PCDH15: variants seen among roughly 807,000 people sequenced by gnomAD.
PCDH15 encodes protocadherin related 15, also known as protocadherin-15.
A neutral mutation model predicts 178.5 loss-of-function variants in PCDH15; 129 were observed. The observed-to-expected ratio is 0.72, with a 90% CI of 0.63 to 0.84. PCDH15 has a LOEUF of 0.84. Ranked by LOEUF, PCDH15 falls within the 40% of genes least tolerant of loss-of-function variation. PCDH15 has a pLI of 0.00. For synonymous variants in PCDH15, 800 were observed against 732.0 expected, an observed-to-expected ratio of 1.09 and a Z score of -1.50; for missense variants, 2,230 against 2,099.9, an observed-to-expected ratio of 1.06 and a Z score of -1.21.
chr10:54,152,365 T>C (rs541914262), intron 14 of PCDH15, among the ~76,000 whole-genome samples: 1 of 152,160 alleles, frequency 6.6e-6, no homozygotes, highest in Non-Finnish European at 1.5e-5. Context: ...AGACTTCTTC[T>C]ACAGTTTTAT....
At chr10:55,347,972 T>A (rs1844807584) in intron 2 of PCDH15, among the ~76,000 whole-genome samples, 2 of 152,034 alleles carry the variant, frequency 1.3e-5, no homozygotes, top group Non-Finnish European at 2.9e-5. Flanking sequence ...TAAGCCTAAG[T>A]CAAAACAAGG....
chr10:54,071,124 C>A (rs2094234121), intron 17 of PCDH15, among the ~76,000 whole-genome samples: 1 of 152,132 alleles, frequency 6.6e-6, no homozygotes, highest in African/African-American at 2.4e-5. Flanking sequence ...TTATCTCATA[C>A]ATGCAATTTA....
chr10:55,449,036 A>G (rs77516387), intron 2 of PCDH15, among the ~76,000 whole-genome samples: 2,557 of 152,182 alleles, frequency 0.017, 73 homozygotes, highest in African/African-American at 0.059. Flanking sequence ...TATGCTTAAT[A>G]TAATATTTGT....
intron 19 of PCDH15, among the ~76,000 whole-genome samples, chr10:54,022,566 C>T (rs1037078544): frequency 6.6e-6 from 1 of 151,978 alleles, no homozygotes. Context: ...AGATTATTAA[C>T]TTTTGCTTCA....
At chr10:54,441,654 G>A (rs1044534858) in intron 3 of PCDH15, among the ~76,000 whole-genome samples, 1 of 151,902 alleles carries the variant, frequency 6.6e-6, no homozygotes, top group Non-Finnish European at 1.5e-5. Context: ...GTCAATAAAT[G>A]TTTGCTAAAT....
intron 1 of PCDH15, among the ~76,000 whole-genome samples, chr10:55,264,499 G>A (rs1414452764): frequency 6.6e-6 from 1 of 152,144 alleles, no homozygotes; most frequent in South Asian, 2.1e-4. Flanking sequence ...GCCAGCACCT[G>A]CCAAGGTTGC....
intron 2 of PCDH15, among the ~76,000 whole-genome samples, chr10:55,078,305 T>C (rs1202002123): frequency 6.6e-6 from 1 of 152,146 alleles, no homozygotes. Context: ...GAAGATATTT[T>C]GGCATTGCAT....
chr10:54,358,320 A>C (rs1371178836), intron 5 of PCDH15, among the ~76,000 whole-genome samples: 1 of 151,908 alleles, frequency 6.6e-6, no homozygotes, highest in Non-Finnish European at 1.5e-5. Flanking sequence ...AATTTACAAG[A>C]AAAAAACAAC....
chr10:53,995,501 A>G (rs1268590203), intron 21 of PCDH15, 148 bp downstream of exon 21: 1 of 1,422,960 alleles, frequency 7.0e-7, no homozygotes, highest in African/African-American at 1.4e-5. Context: ...GTACCTGTGG[A>G]TGAAATAAGT....
chr10:54,025,385 C>T (rs1322454309), intron 18 of PCDH15, among the ~76,000 whole-genome samples: 1 of 152,062 alleles, frequency 6.6e-6, no homozygotes, highest in Non-Finnish European at 1.5e-5. Flanking sequence ...TGACAGAATT[C>T]AGTTGCTAGA....
At chr10:54,800,823 A>G (rs940000687) in intron 1 of PCDH15, 102 bp downstream of exon 1, 5 of 152,168 alleles carry the variant, frequency 3.3e-5, no homozygotes, top group African/African-American at 1.2e-4. Flanking sequence ...AAGTAGCATC[A>G]TGACAGAGAT....
chr10:53,823,948 ATTGTGACAGAGGAGTTTTTCTTCTG>A (rs913541322), intron 32 of PCDH15, among the ~76,000 whole-genome samples: 1 of 152,204 alleles, frequency 6.6e-6, no homozygotes, highest in African/African-American at 2.4e-5. Context: ...GTATGCTAGA[ATTGTGACAGAGGAGTTTTTCTTCTG>A]TTTAAATTTT....
intron 2 of PCDH15, among the ~76,000 whole-genome samples, chr10:55,461,804 CACTT>C (rs949745916): frequency 4.6e-4 from 70 of 152,116 alleles, no homozygotes; most frequent in African/African-American, 1.6e-3. Context: ...TTTTATTTCT[CACTT>C]ACACAAATAA....
chr10:55,001,706 G>A (rs7895314), intron 2 of PCDH15, among the ~76,000 whole-genome samples: 110,773 of 151,398 alleles, frequency 0.73, 40,645 homozygotes, highest in East Asian at 0.87. Context: ...GGAAGGTGTG[G>A]GATCCAGGCT....
rs1457924617 is a variant in PCDH15 at position 55,511,135 on chromosome 10, A to AGTG, written c.-156+116487_-156+116489dup. ...CAGTCCTCCCAACTCAGCCTTCCAA[A>AGTG]GTGGTGGGATTACAGGCATGAGTCA... On this transcript the variant is annotated intron_variant, in intron 2 of 5. Coordinates refer to the PCDH15 transcript ENST00000613346. Among the ~76,000 whole-genome samples the AGTG allele has an allele frequency of 2.0e-5, 3 of 151,654 alleles. No individual in the cohort carries two copies. The Admixed American group carries it at 2.0e-4, about 10-fold the overall frequency.
In PCDH15 at chr10:54,358,128, C is replaced by T. The variant is rs1003547709; in HGVS notation, c.474+10992G>A. On this transcript the variant is annotated intron_variant, in intron 5 of 37. Transcript: ENST00000644397. Reference sequence around the variant, plus strand: ...GGGCAAGGACTTCATGTCTAAAACACCAAAAGCAATGGCAACAAAAGCTAA... The same window carrying T: ...GGGCAAGGACTTCATGTCTAAAACATCAAAAGCAATGGCAACAAAAGCTAA... Among the ~76,000 whole-genome samples the T allele has an allele frequency of 4.1e-5, 6 of 148,130 alleles. No homozygotes were observed. The East Asian group carries it at 1.2e-3, about 29-fold the overall frequency.
intron 8 of PCDH15, among the ~76,000 whole-genome samples, chr10:54,280,053 A>G (rs1322379707): frequency 6.6e-6 from 1 of 151,676 alleles, no homozygotes; most frequent in Non-Finnish European, 1.5e-5. Flanking sequence ...TTTATGCTGA[A>G]AATGGGTTCA....
intron 2 of PCDH15, among the ~76,000 whole-genome samples, chr10:54,586,010 T>G (rs1374542093): frequency 1.3e-5 from 2 of 151,818 alleles, no homozygotes; most frequent in African/African-American, 2.4e-5. Flanking sequence ...TAAAATTGAT[T>G]GTTAAATCAA....
intron 2 of PCDH15, among the ~76,000 whole-genome samples, chr10:55,061,397 C>T (rs896288042): frequency 4.6e-5 from 7 of 152,112 alleles, no homozygotes; most frequent in Non-Finnish European, 7.4e-5. Flanking sequence ...AAACCCAGAA[C>T]ATTGATTATG....
Sources: gnomAD v4.1 joint callset for allele counts (sites outside exome capture counted in the v4.1 genomes callset) on GRCh38, gnomAD v4.1.1 for gene constraint, MANE v1.5 for transcripts, NCBI Gene and HGNC (gene_info 2026-07-23, HGNC 2026-07-21) for gene names.